KCNH1: variants seen among roughly 807,000 people sequenced by gnomAD.
KCNH1 encodes voltage-gated delayed rectifier potassium channel KCNH1.
Under a neutral mutation model 69.2 loss-of-function variants are expected in KCNH1, and 27 were observed. The ratio of observed to expected loss-of-function variants is 0.39; its 90% CI spans 0.29 to 0.54. The LOEUF (loss-of-function observed/expected upper bound fraction) is 0.54, where lower values mean the gene tolerates loss of function less well. Among genes scored for constraint, KCNH1 ranks in the 20% least tolerant of loss-of-function variants. The pLI is 0.68. For missense variants in KCNH1, 798 were observed against 1,261.6 expected, an observed-to-expected ratio of 0.63 and a Z score of 5.57; for synonymous variants, 456 against 487.7, an observed-to-expected ratio of 0.93 and a Z score of 0.86.
At chr1:210,861,801 T>G (rs1463820618) in intron 7 of KCNH1, 7 of 765,638 alleles carry the variant, frequency 9.1e-6, no homozygotes, top group Non-Finnish European at 1.7e-5. Flanking sequence ...ACTCCTCTAG[T>G]TTTTTATACT....
chr1:210,739,513 G>T (rs1227648141), intron 10 of KCNH1, among the ~76,000 whole-genome samples: 5 of 152,242 alleles, frequency 3.3e-5, no homozygotes, highest in Non-Finnish European at 5.9e-5. Context: ...CCTCAGAGAT[G>T]AAGCTAACTT....
chr1:210,791,656 A>G (rs1270361784), intron 9 of KCNH1, among the ~76,000 whole-genome samples: 1 of 152,204 alleles, frequency 6.6e-6, no homozygotes, highest in Non-Finnish European at 1.5e-5. Flanking sequence ...AGAAGTCTAT[A>G]GAAAAAGGTA....
At chr1:210,975,376 G>C (rs1688587911) in intron 6 of KCNH1, among the ~76,000 whole-genome samples, 1 of 152,198 alleles carries the variant, frequency 6.6e-6, no homozygotes, top group Non-Finnish European at 1.5e-5. Flanking sequence ...AACCAAAACA[G>C]CATGGTACTG....
intron 10 of KCNH1, among the ~76,000 whole-genome samples, chr1:210,772,314 T>C (rs1229524700): frequency 6.6e-6 from 1 of 152,144 alleles, no homozygotes; most frequent in East Asian, 1.9e-4. Context: ...TCAAGAATCT[T>C]AGCAAATAAA....
chr1:210,756,822 C>T (rs536422839), intron 10 of KCNH1, among the ~76,000 whole-genome samples: 23 of 152,260 alleles, frequency 1.5e-4, no homozygotes, highest in East Asian at 5.8e-4. Flanking sequence ...AAGTCTGAGA[C>T]GATTCCCTTC....
chr1:211,046,370 A>G (rs956239921), intron 5 of KCNH1, among the ~76,000 whole-genome samples: 3 of 152,230 alleles, frequency 2.0e-5, no homozygotes, highest in Non-Finnish European at 4.4e-5. Context: ...TAAAAGCAAG[A>G]GTCCATGTAG....
intron 5 of KCNH1, among the ~76,000 whole-genome samples, chr1:211,025,433 G>C (rs1689667011): frequency 6.6e-6 from 1 of 152,154 alleles, no homozygotes; most frequent in Non-Finnish European, 1.5e-5. Context: ...TACTATGCTT[G>C]AGATTTTAAT....
chr1:210,884,757 A>G (rs1386936838), intron 7 of KCNH1, among the ~76,000 whole-genome samples: 1 of 152,208 alleles, frequency 6.6e-6, no homozygotes, highest in Non-Finnish European at 1.5e-5. Context: ...ATATCTCTCC[A>G]CAAATTGCCC....
rs183804627 is a variant in KCNH1, at chr1:210,756,937, C to G, written c.2112+18411G>C. On this transcript the variant is annotated intron_variant, in intron 10 of 10. Transcript: ENST00000271751. ...GGATAGTGATTTCTCTCAGAAGGCTCTCTTCCTAGGTTCTTACTGATTAGC... is the reference window on the plus strand; with the variant it reads ...GGATAGTGATTTCTCTCAGAAGGCTGTCTTCCTAGGTTCTTACTGATTAGC... Among the ~76,000 whole-genome samples the G allele has an allele frequency of 9.5e-4, 145 of 152,340 alleles. 1 individual carries two copies. In the East Asian group the frequency reaches 0.01, roughly 11 times the overall value.
At chr1:211,124,611 G>A (rs1691746326) in intron 1 of KCNH1, among the ~76,000 whole-genome samples, 1 of 152,028 alleles carries the variant, frequency 6.6e-6, no homozygotes. Flanking sequence ...GCAAGACTCG[G>A]TCAAAAGAAA....
At chr1:210,998,090 A>G (rs1689089190) in intron 6 of KCNH1, among the ~76,000 whole-genome samples, 1 of 152,236 alleles carries the variant, frequency 6.6e-6, no homozygotes, top group Admixed American at 6.5e-5. Context: ...AAGGCTAGGA[A>G]GAAACTGCAT....
intron 6 of KCNH1, among the ~76,000 whole-genome samples, chr1:210,987,697 G>A (rs1270526913): frequency 6.6e-6 from 1 of 152,176 alleles, no homozygotes; most frequent in East Asian, 1.9e-4. Context: ...GCCCCTACTG[G>A]GGGGTGCCTC....
chr1:210,801,976 G>A (rs1237814390), intron 8 of KCNH1, among the ~76,000 whole-genome samples: 2 of 152,224 alleles, frequency 1.3e-5, no homozygotes, highest in South Asian at 2.1e-4. Context: ...ACAAAATGGT[G>A]TTCAAATCCT....
intron 10 of KCNH1, among the ~76,000 whole-genome samples, chr1:210,748,940 G>A (rs1374165766): frequency 6.6e-6 from 1 of 152,162 alleles, no homozygotes; most frequent in Non-Finnish European, 1.5e-5. Context: ...CCCAGGCTTT[G>A]GCCTTCTGGC....
At chr1:210,980,879 C>A (rs1341184557) in intron 6 of KCNH1, among the ~76,000 whole-genome samples, 8 of 151,978 alleles carry the variant, frequency 5.3e-5, no homozygotes, top group Admixed American at 5.3e-4. Context: ...AAGCAGATAT[C>A]TCTACCTACA....
intron 7 of KCNH1, among the ~76,000 whole-genome samples, chr1:210,814,243 T>C (rs1684769296): frequency 6.6e-6 from 1 of 152,164 alleles, no homozygotes; most frequent in South Asian, 2.1e-4. Context: ...ACTACCCACT[T>C]CAGGATAATC....
intron 6 of KCNH1, among the ~76,000 whole-genome samples, chr1:210,998,578 C>T (rs1233978585): frequency 6.6e-6 from 1 of 152,142 alleles, no homozygotes. Flanking sequence ...CTTTAACACC[C>T]CACTGTCAAC....
intron 9 of KCNH1, among the ~76,000 whole-genome samples, chr1:210,784,200 C>G (rs771168762): frequency 6.6e-6 from 1 of 152,220 alleles, no homozygotes; most frequent in Admixed American, 6.5e-5. Context: ...ATTTTGAACA[C>G]TTAATAACTC....
intron 5 of KCNH1, among the ~76,000 whole-genome samples, chr1:211,069,292 A>G (rs1690591355): frequency 9.1e-6 from 1 of 110,466 alleles, no homozygotes; most frequent in Non-Finnish European, 1.8e-5. Flanking sequence ...CCCACCCCCC[A>G]CCCTACCATC....
Sources: gnomAD v4.1 joint callset for allele counts (sites outside exome capture counted in the v4.1 genomes callset) on GRCh38, gnomAD v4.1.1 for gene constraint, MANE v1.5 for transcripts, NCBI Gene and HGNC (gene_info 2026-07-23, HGNC 2026-07-21) for gene names.